Variants in CD8B2 observed in about 807,000 individuals in gnomAD.
CD8B2 encodes CD8B family member 2, also known as T-cell surface glycoprotein CD8 beta-2 chain.
A neutral mutation model predicts 23.7 loss-of-function variants in CD8B2; 11 were observed. The observed-to-expected ratio is 0.46, with a 90% CI of 0.29 to 0.77. The LOEUF is 0.77. CD8B2 is among the 30% of genes least tolerant of loss of function. CD8B2 has a pLI of 0.09. For missense variants in CD8B2, 197 were observed against 270.5 expected (o/e 0.73, Z 1.91); for synonymous variants, 90 against 109.3 (o/e 0.82, Z 1.10).
At chr2:106,519,775 A>G (rs530171610) in intron 5 of CD8B2, among the ~76,000 whole-genome samples, 2 of 152,328 alleles carry the variant, frequency 1.3e-5, no homozygotes, top group African/African-American at 4.8e-5. Flanking sequence ...ACAATAGCAG[A>G]TGTGCTAAAA....
intron 5 of CD8B2, among the ~76,000 whole-genome samples, chr2:106,528,128 A>G (rs1310898933): frequency 6.6e-6 from 1 of 152,196 alleles, no homozygotes; most frequent in Non-Finnish European, 1.5e-5. Flanking sequence ...TCCTGCATAA[A>G]TATTGAACAT....
At position 106,487,388 on chromosome 2, in the gene CD8B2, C is replaced by G; in HGVS notation, c.-39C>G. On this transcript the variant is annotated 5_prime_UTR_variant, in exon 1 of 6. Coordinates refer to ENST00000643224, the MANE Select transcript of CD8B2 (RefSeq NM_001349727.2). Reference sequence around the variant, plus strand: ...CACCCACCCCAGCCGCGACTGTCTCCGCCGAGCCCCCGGGGCCAGGTGTCC... The same window carrying G: ...CACCCACCCCAGCCGCGACTGTCTCGGCCGAGCCCCCGGGGCCAGGTGTCC... 8.3e-7 allele frequency: 1 copy of G among 1,197,782 alleles called. No individual in the cohort carries two copies. Among genetic ancestry groups the G allele is most frequent in the Non-Finnish European group, 1.0e-6 (1 of 957,196 alleles). 74.2% of individuals were successfully genotyped at this position (1,197,782 alleles called of 1,614,324 possible).
intron 5 of CD8B2, among the ~76,000 whole-genome samples, chr2:106,527,319 GA>G (rs1445397525): frequency 1.3e-5 from 2 of 152,190 alleles, no homozygotes; most frequent in African/African-American, 4.8e-5. Context: ...CCTGAAGTCT[GA>G]AAAACCAGAC....
At chr2:106,538,652 G>A (rs1261307565) in intron 5 of CD8B2, among the ~76,000 whole-genome samples, 1 of 152,102 alleles carries the variant, frequency 6.6e-6, no homozygotes, top group African/African-American at 2.4e-5. Context: ...CTCCCCAGAT[G>A]TTCACCTGCA....
rs1409640961 is a variant in CD8B2, at chr2:106,509,009, C to T, written c.*2069C>T. On this transcript the variant is annotated 3_prime_UTR_variant, in exon 6 of 6. Transcript: ENST00000643224. ...CACAAATTGGCCTCAGATTCCCTGC[C>T]CCCAGACGTAGGTGTTTCTCCTTCA... 2 of 151,674 alleles carry T rather than the reference C, an allele frequency of 1.3e-5. No homozygotes were observed. Among genetic ancestry groups the T allele is most frequent in the African/African-American group, 4.8e-5 (2 of 41,238 alleles). The allele number at this position is 151,674 out of a possible 1,614,324, so 9.4% of individuals were successfully genotyped here.
chr2:106,495,366 C>T (rs2104552611), intron 2 of CD8B2, among the ~76,000 whole-genome samples: 1 of 151,984 alleles, frequency 6.6e-6, no homozygotes, highest in Middle Eastern at 3.4e-3. Context: ...ACTAAAAATA[C>T]AAAAAATTAG....
At chr2:106,524,868 G>T (rs1558884707) in intron 5 of CD8B2, among the ~76,000 whole-genome samples, 1 of 152,144 alleles carries the variant, frequency 6.6e-6, no homozygotes, top group African/African-American at 2.4e-5. Context: ...ACCCCAGGCA[G>T]AGGTCCCATC....
chr2:106,537,816 A>G (rs1341440965), intron 5 of CD8B2, among the ~76,000 whole-genome samples: 2 of 152,234 alleles, frequency 1.3e-5, no homozygotes, highest in Admixed American at 1.3e-4. Context: ...AGTTAGCACG[A>G]AGGAAAAACA....
intron 5 of CD8B2, among the ~76,000 whole-genome samples, chr2:106,537,553 T>C (rs1326532299): frequency 6.6e-6 from 1 of 152,230 alleles, no homozygotes; most frequent in Non-Finnish European, 1.5e-5. Context: ...AGATTTCTCA[T>C]TTGAATCCAC....
intron 1 of CD8B2, among the ~76,000 whole-genome samples, chr2:106,488,499 G>C (rs1412941968): frequency 6.6e-6 from 1 of 152,112 alleles, no homozygotes; most frequent in African/African-American, 2.4e-5. Flanking sequence ...CACAGCCCAG[G>C]CCTTGCTCTT....
At chr2:106,543,897 C>T (rs985933044) in intron 5 of CD8B2, 2 of 342,388 alleles carry the variant, frequency 5.8e-6, no homozygotes, top group Middle Eastern at 7.2e-4. Context: ...TGGATTTGTG[C>T]TTATACACTG....
intron 5 of CD8B2, among the ~76,000 whole-genome samples, chr2:106,540,740 T>A (rs529581296): frequency 1.2e-4 from 18 of 152,244 alleles, no homozygotes; most frequent in Middle Eastern, 3.4e-3. Context: ...AATTTTTCTA[T>A]TTTTTGTAGA....
chr2:106,518,804 CCTA>C (rs1301288731), intron 5 of CD8B2, among the ~76,000 whole-genome samples: 1 of 151,982 alleles, frequency 6.6e-6, no homozygotes, highest in East Asian at 1.9e-4. Flanking sequence ...CATTTTCCTT[CCTA>C]CATTTTCTCT....
chr2:106,533,032 G>A (rs1030344461), intron 5 of CD8B2, among the ~76,000 whole-genome samples: 3 of 152,212 alleles, frequency 2.0e-5, no homozygotes, highest in African/African-American at 7.2e-5. Flanking sequence ...GAGACAAGGA[G>A]TGGCAATACT....
rs1362245296 is a variant in CD8B2 at position 106,496,104 on chromosome 2, C to CA, written c.404-66dup. 1.9e-6 allele frequency: 3 copies of CA among 1,549,244 alleles called. No individual in the cohort carries two copies. In the African/African-American group the frequency reaches 4.1e-5, roughly 21 times the overall value. On this transcript the variant is annotated intron_variant, in intron 2 of 5. Coordinates refer to ENST00000643224, the MANE Select transcript of CD8B2 (RefSeq NM_001349727.2). The stretch of plus-strand genomic sequence containing the variant: ...TGAGCCACCGCACCCGGCCATAAGA[C>CA]AAAGTTTTGTCTTTGAGTCCACGTG...
intron 5 of CD8B2, among the ~76,000 whole-genome samples, chr2:106,531,236 T>C (rs1318051735): frequency 1.3e-5 from 2 of 152,146 alleles, no homozygotes; most frequent in African/African-American, 4.8e-5. Context: ...CAGAAAGTGA[T>C]TTAGCTCATG....
downstream of CD8B2, among the ~76,000 whole-genome samples, chr2:106,513,318 G>A (rs1679672808): frequency 1.3e-5 from 2 of 152,178 alleles, no homozygotes; most frequent in African/African-American, 4.8e-5. Flanking sequence ...TGACCAGGGG[G>A]ACACAGGCTC....
At chr2:106,488,509 T>TAA (rs771458794) in intron 1 of CD8B2, among the ~76,000 whole-genome samples, 92 of 152,158 alleles carry the variant, frequency 6.0e-4, no homozygotes, top group Non-Finnish European at 2.6e-4. Flanking sequence ...GCCTTGCTCT[T>TAA]ACAGGAGTCG....
intron 5 of CD8B2, among the ~76,000 whole-genome samples, chr2:106,531,055 T>G (rs909005071): frequency 6.6e-6 from 1 of 152,360 alleles, no homozygotes; most frequent in Non-Finnish European, 1.5e-5. Flanking sequence ...CTTTACTTCC[T>G]TAATAAACTT....
Sources: gnomAD v4.1 joint callset for allele counts (sites outside exome capture counted in the v4.1 genomes callset) on GRCh38, gnomAD v4.1.1 for gene constraint, MANE v1.5 for transcripts, NCBI Gene and HGNC (gene_info 2026-07-23, HGNC 2026-07-21) for gene names.